FRMD8: variants seen among roughly 807,000 people sequenced by gnomAD.
The protein encoded by FRMD8 is FERM domain-containing protein 8.
FRMD8 carries 37 observed loss-of-function variants against 54.2 expected under a neutral mutation model. The ratio of observed to expected loss-of-function variants is 0.68; its 90% CI spans 0.53 to 0.90. FRMD8 has a LOEUF of 0.90. Ranked by LOEUF, FRMD8 falls within the 40% of genes least tolerant of loss-of-function variation. FRMD8 has a pLI of 0.00. For synonymous variants in FRMD8, 246 were observed against 286.9 expected (o/e 0.86, Z 1.44); for missense variants, 585 against 653.7 (o/e 0.89, Z 1.15).
At chr11:65,385,325 A>C (rs1416844179), upstream of FRMD8, among the ~76,000 whole-genome samples, 2 of 152,174 alleles carry the variant, frequency 1.3e-5, no homozygotes, top group Non-Finnish European at 2.9e-5. Flanking sequence ...TTGGCAAGGC[A>C]AATGTGATGT....
chr11:65,374,081 C>T, the FRMD8 span, among the ~76,000 whole-genome samples: 6 of 151,918 alleles, frequency 3.9e-5, no homozygotes, highest in Non-Finnish European at 5.9e-5. Flanking sequence ...GAGGCCAAGG[C>T]GGGTGGATCA....
chr11:65,402,598 T>C (rs576272640), intron 9 of FRMD8, among the ~76,000 whole-genome samples: 3 of 152,180 alleles, frequency 2.0e-5, no homozygotes, highest in Non-Finnish European at 4.4e-5. Flanking sequence ...AGAATCAGCT[T>C]GTTGATTTGT....
At chr11:65,369,654 A>G in the FRMD8 span, among the ~76,000 whole-genome samples, 4 of 151,526 alleles carry the variant, frequency 2.6e-5, no homozygotes, top group Non-Finnish European at 4.4e-5. Context: ...TGCTTGAACC[A>G]GGGAGGTGGG....
intron 3 of FRMD8, 51 bp from the exon 4 acceptor site, chr11:65,393,522 C>G: frequency 7.2e-7 from 1 of 1,383,604 alleles, no homozygotes; most frequent in Non-Finnish European, 1.0e-6. Flanking sequence ...GGAAGGGCAG[C>G]CACTGGACTG....
intron 3 of FRMD8, among the ~76,000 whole-genome samples, chr11:65,390,968 C>G (rs1855833611): frequency 6.6e-6 from 1 of 152,254 alleles, no homozygotes; most frequent in African/African-American, 2.4e-5. Context: ...AGGCTGGGTT[C>G]AGGGAGGCTG....
intron 9 of FRMD8, among the ~76,000 whole-genome samples, chr11:65,402,347 C>CT (rs1383418479): frequency 6.7e-6 from 1 of 149,800 alleles, no homozygotes; most frequent in Admixed American, 6.7e-5. Context: ...GAGTGAGACT[C>CT]TGTCTCAAAA....
the FRMD8 span, chr11:65,381,560 C>CTT: frequency 0.031 from 2,654 of 84,532 alleles, 171 homozygotes; most frequent in African/African-American, 0.082. Context: ...TGCCCTGATT[C>CTT]TTTTTTTTTT....
At chr11:65,379,250 G>C in the FRMD8 span, 1 of 1,106,212 alleles carries the variant, frequency 9.0e-7, no homozygotes, top group Admixed American at 2.1e-5. Context: ...CATAGCACAG[G>C]CCTCTTGTTC....
At chr11:65,382,415 G>A (rs1261350996), upstream of FRMD8, 1 of 194,082 alleles carries the variant, frequency 5.2e-6, no homozygotes, top group Non-Finnish European at 1.1e-5. This position sits in a 1 kb window ranked among gnomAD's most constrained non-coding sequence, Gnocchi z 4.4. Flanking sequence ...GTGGCCACCA[G>A]GGGGTAGGCC....
chr11:65,389,243 C>T lies in FRMD8; in HGVS notation c.86-118C>T, dbSNP rs534344068. The T allele has an allele frequency of 1.4e-4, 138 of 960,888 alleles. 1 individual carries two copies. The Middle Eastern group carries it at 2.1e-3, about 15-fold the overall frequency. The allele number at this position is 960,888 out of a possible 1,614,324, so 59.5% of individuals were successfully genotyped here. A position where few individuals can be genotyped will look rare whatever the true frequency, so the allele number is the denominator to read the frequency against. Reference sequence around the variant, plus strand: ...GTCTCAGGAGCGTAGCCCTGGTCACCCCTGAGGGGTGTAGGGTGGGGGCTC... The same window carrying T: ...GTCTCAGGAGCGTAGCCCTGGTCACTCCTGAGGGGTGTAGGGTGGGGGCTC... On this transcript the variant is annotated intron_variant, in intron 2 of 10. Transcript: ENST00000317568.
At chr11:65,398,227 G>C (rs1287912764) in intron 7 of FRMD8, among the ~76,000 whole-genome samples, 2 of 152,092 alleles carry the variant, frequency 1.3e-5, no homozygotes, top group Non-Finnish European at 2.9e-5. Context: ...TGGAACCCTG[G>C]GGTCAAGTGA....
intron 9 of FRMD8, among the ~76,000 whole-genome samples, chr11:65,403,305 C>A (rs562082766): frequency 1.3e-4 from 20 of 152,324 alleles, no homozygotes; most frequent in African/African-American, 4.6e-4. Flanking sequence ...ACCTCAGCCT[C>A]CTGAGTAGCT....
chr11:65,397,918 C>T (rs573396557), intron 7 of FRMD8, among the ~76,000 whole-genome samples: 2 of 148,686 alleles, frequency 1.3e-5, no homozygotes, highest in African/African-American at 5.0e-5. Context: ...CTCTTGTTGC[C>T]AGGCTGGAGT....
At chr11:65,389,335 C>G (rs1174560623) in intron 2 of FRMD8, 26 bp from the exon 3 acceptor site, 1 of 1,606,036 alleles carries the variant, frequency 6.2e-7, no homozygotes, top group Admixed American at 1.7e-5. Flanking sequence ...GAGGCCTCAG[C>G]TGAGCCTGCC....
rs1446746733 is a variant in FRMD8 at position 65,404,912 on chromosome 11, G to T, written c.1120G>T (p.Ala374Ser). ...LIEYCIELSQAAEPAGPQDSA... is the reference protein window; with the variant it reads ...LIEYCIELSQSAEPAGPQDSA... ...TGAGTACTGCATCGAACTGAGCCAG[G>T]CGGCGGAGCCCGCAGGCCCCCAGGA... The change falls in exon 10 of 11, where the codon GCG becomes TCG. Residue 374 changes from alanine (A) to serine (S), a missense_variant. Physicochemically the swap from Ala to Ser is moderately conservative, Grantham distance 99. Transcript: ENST00000317568. The surrounding 1 kb of genome is among the most constrained non-coding windows in gnomAD (Gnocchi z 4.7). 7 of 1,613,172 alleles carry T rather than the reference G, an allele frequency of 4.3e-6. No individual in the cohort carries two copies. Among genetic ancestry groups the T allele is most frequent in the African/African-American group, 1.3e-5 (1 of 74,952 alleles).
upstream of FRMD8, among the ~76,000 whole-genome samples, chr11:65,385,720 G>A (rs1005375622): frequency 6.6e-6 from 1 of 152,256 alleles, no homozygotes. Context: ...TGTTGTGTAA[G>A]ATAGTAAGGG....
At chr11:65,376,708 A>C in the FRMD8 span, 1 of 1,613,186 alleles carries the variant, frequency 6.2e-7, no homozygotes, top group Non-Finnish European at 8.5e-7. Flanking sequence ...CAGGGGTCAG[A>C]CCCAGAACAG....
chr11:65,395,265 G>A (rs530655093), intron 6 of FRMD8, among the ~76,000 whole-genome samples: 23 of 151,770 alleles, frequency 1.5e-4, no homozygotes, highest in Admixed American at 7.2e-4. Flanking sequence ...AAAAAATGCC[G>A]GGTGCGGTGG....
At chr11:65,401,235 C>T (rs138356842) in intron 9 of FRMD8, among the ~76,000 whole-genome samples, 1,584 of 152,088 alleles carry the variant, frequency 0.01, 33 homozygotes, top group African/African-American at 0.036. Context: ...CGTTGGGCCT[C>T]TCCAAGCCTG....
Sources: gnomAD v4.1 joint callset for allele counts (sites outside exome capture counted in the v4.1 genomes callset) on GRCh38, gnomAD v4.1.1 for gene constraint, Gnocchi (gnomAD v3.1) non-coding constraint, MANE v1.5 for transcripts, NCBI Gene and HGNC (gene_info 2026-07-23, HGNC 2026-07-21) for gene names.